Variants in CHRM3 observed in about 807,000 individuals in gnomAD.
CHRM3 encodes the protein muscarinic acetylcholine receptor M3.
In CHRM3, 11 loss-of-function variants were observed where a neutral mutation model predicts 41.8. The ratio of observed to expected loss-of-function variants is 0.26; its 90% CI spans 0.17 to 0.44. The LOEUF (loss-of-function observed/expected upper bound fraction) is 0.44, where lower values mean the gene tolerates loss of function less well. Among genes scored for constraint, CHRM3 ranks in the 20% least tolerant of loss-of-function variants. CHRM3 has a pLI of 1.00. For missense variants in CHRM3, 571 were observed against 745.4 expected (o/e 0.77, Z 2.72); for synonymous variants, 297 against 301.4 (o/e 0.99, Z 0.15).
At chr1:239,745,895 T>C (rs1665313520) in intron 5 of CHRM3, among the ~76,000 whole-genome samples, 1 of 152,176 alleles carries the variant, frequency 6.6e-6, no homozygotes, top group African/African-American at 2.4e-5. Context: ...TCTTGACAAC[T>C]TTCCTTCTAA....
At chr1:239,768,380 G>A (rs997767176) in intron 5 of CHRM3, among the ~76,000 whole-genome samples, 2 of 152,234 alleles carry the variant, frequency 1.3e-5, no homozygotes, top group Admixed American at 6.5e-5. Flanking sequence ...AGCTGTTCAT[G>A]TACCTAATAT....
chr1:239,733,747 T>A (rs577747768), intron 5 of CHRM3, among the ~76,000 whole-genome samples: 1 of 152,232 alleles, frequency 6.6e-6, no homozygotes, highest in South Asian at 2.1e-4. Flanking sequence ...ATGTATGGCT[T>A]CACTACATTT....
At chr1:239,847,776 T>G (rs565769807) in intron 6 of CHRM3, among the ~76,000 whole-genome samples, 2 of 151,614 alleles carry the variant, frequency 1.3e-5, no homozygotes, top group African/African-American at 4.8e-5. Flanking sequence ...TAGCCAGGTG[T>G]TGGTGGTGCA....
At chr1:239,420,631 C>T (rs1661879112) in intron 1 of CHRM3, among the ~76,000 whole-genome samples, 2 of 152,058 alleles carry the variant, frequency 1.3e-5, no homozygotes, top group African/African-American at 4.8e-5. Context: ...TTTGCTCATT[C>T]TGGGTAAGAT....
intron 6 of CHRM3, among the ~76,000 whole-genome samples, chr1:239,863,900 A>G (rs1364402190): frequency 2.6e-5 from 4 of 152,216 alleles, no homozygotes; most frequent in Non-Finnish European, 5.9e-5. Context: ...GCAACAGCAC[A>G]TTAGAAGGAA....
chr1:239,875,594 G>A (rs966289393), intron 6 of CHRM3, among the ~76,000 whole-genome samples: 1 of 152,168 alleles, frequency 6.6e-6, no homozygotes, highest in Non-Finnish European at 1.5e-5. Context: ...CCTGCTCCAT[G>A]GAATCATGTC....
chr1:239,431,401 C>A (rs1662824894), intron 1 of CHRM3, among the ~76,000 whole-genome samples: 1 of 152,110 alleles, frequency 6.6e-6, no homozygotes, highest in Non-Finnish European at 1.5e-5. Context: ...TATAACTACA[C>A]AAGGCAAATA....
chr1:239,605,736 T>C (rs1471852623), intron 3 of CHRM3, among the ~76,000 whole-genome samples: 1 of 152,230 alleles, frequency 6.6e-6, no homozygotes, highest in African/African-American at 2.4e-5. Flanking sequence ...TCCATCAAGA[T>C]ATTTAAGATA....
At chr1:239,438,757 G>A (rs1050599732) in intron 1 of CHRM3, among the ~76,000 whole-genome samples, 1 of 152,162 alleles carries the variant, frequency 6.6e-6, no homozygotes, top group Non-Finnish European at 1.5e-5. Flanking sequence ...TTTCTGATAA[G>A]TGTGCATCTA....
chr1:239,615,150 T>C (rs1180993196), intron 3 of CHRM3, among the ~76,000 whole-genome samples: 1 of 152,184 alleles, frequency 6.6e-6, no homozygotes, highest in African/African-American at 2.4e-5. Flanking sequence ...ATTCTCGTCA[T>C]ATAAAAATAG....
At chr1:239,462,979 C>T (rs1665466644) in intron 1 of CHRM3, among the ~76,000 whole-genome samples, 2 of 152,160 alleles carry the variant, frequency 1.3e-5, no homozygotes, top group South Asian at 4.1e-4. Flanking sequence ...TTTATAAGCC[C>T]TAATTTCTAG....
At chr1:239,522,929 A>G (rs763755750) in intron 2 of CHRM3, among the ~76,000 whole-genome samples, 1 of 152,096 alleles carries the variant, frequency 6.6e-6, no homozygotes, top group Non-Finnish European at 1.5e-5. Flanking sequence ...ATTACTACTC[A>G]TGTCCATTAT....
At chr1:239,405,635 T>TA (rs1169950517) in intron 1 of CHRM3, among the ~76,000 whole-genome samples, 1 of 152,170 alleles carries the variant, frequency 6.6e-6, no homozygotes, top group Non-Finnish European at 1.5e-5. Flanking sequence ...TTAGAAAAAT[T>TA]AAACTACCAA....
chr1:239,498,588 T>C (rs768879648), intron 2 of CHRM3, among the ~76,000 whole-genome samples: 3 of 152,156 alleles, frequency 2.0e-5, no homozygotes, highest in Non-Finnish European at 4.4e-5. Context: ...CCATTAAGTA[T>C]AGACTTTCTG....
chr1:239,447,517 GC>G (rs1433877272), intron 1 of CHRM3, among the ~76,000 whole-genome samples: 4 of 152,110 alleles, frequency 2.6e-5, no homozygotes, highest in East Asian at 1.9e-4. Context: ...CAGACCAGAA[GC>G]TTTTGGTTCA....
At chr1:239,543,874 G>C (rs1022434940) in intron 2 of CHRM3, among the ~76,000 whole-genome samples, 10 of 152,088 alleles carry the variant, frequency 6.6e-5, no homozygotes, top group African/African-American at 2.2e-4. Context: ...TACTGTTTCT[G>C]TTACAACTAC....
intron 1 of CHRM3, among the ~76,000 whole-genome samples, chr1:239,487,533 A>G (rs1014828875): frequency 2.6e-5 from 4 of 152,102 alleles, no homozygotes; most frequent in Admixed American, 6.6e-5. Context: ...AAAAAACCAA[A>G]CACTTCAGAC....
At chr1:239,762,946 A>G (rs1296502891) in intron 5 of CHRM3, among the ~76,000 whole-genome samples, 1 of 152,196 alleles carries the variant, frequency 6.6e-6, no homozygotes, top group African/African-American at 2.4e-5. Context: ...GCAGAGTATA[A>G]TTGTCCTTTT....
intron 6 of CHRM3, among the ~76,000 whole-genome samples, chr1:239,864,848 A>G (rs1313131380): frequency 6.6e-6 from 1 of 152,146 alleles, no homozygotes; most frequent in African/African-American, 2.4e-5. Context: ...GGAGAAGACT[A>G]ACAGGCATGG....
Sources: allele counts gnomAD v4.1 joint callset (sites outside exome capture counted in the v4.1 genomes callset), GRCh38; gene constraint gnomAD v4.1.1; transcripts MANE v1.5; gene names NCBI Gene and HGNC (gene_info 2026-07-23, HGNC 2026-07-21).